Variants in CDH12 observed in about 807,000 individuals in gnomAD.
CDH12 encodes the protein cadherin-12.
CDH12 carries 41 observed loss-of-function variants against 74.1 expected under a neutral mutation model. That is an observed-to-expected ratio of 0.55 (90% CI 0.43 to 0.72). The LOEUF (loss-of-function observed/expected upper bound fraction) is 0.72, where lower values mean the gene tolerates loss of function less well. Ranked by LOEUF, CDH12 falls within the 30% of genes least tolerant of loss-of-function variation. The probability of loss-of-function intolerance (pLI) is 0.00; values close to 1 mark genes in which losing one functional copy is unlikely to be tolerated. For missense variants in CDH12, 945 were observed against 977.2 expected, an observed-to-expected ratio of 0.97 and a Z score of 0.44; for synonymous variants, 399 against 355.0, an observed-to-expected ratio of 1.12 and a Z score of -1.39.
chr5:22,460,484 C>A (rs1745453765), intron 2 of CDH12, among the ~76,000 whole-genome samples: 1 of 151,998 alleles, frequency 6.6e-6, no homozygotes, highest in Admixed American at 6.6e-5. Flanking sequence ...TATTTTCAGT[C>A]TTGTTAATCC....
At chr5:22,299,534 A>T (rs940933590) in intron 3 of CDH12, among the ~76,000 whole-genome samples, 1 of 152,220 alleles carries the variant, frequency 6.6e-6, no homozygotes, top group African/African-American at 2.4e-5. Flanking sequence ...TTTCTTTGAA[A>T]GAGCTTGAAA....
At position 21,978,902 on chromosome 5, in the gene CDH12, G is replaced by GA. The variant is rs559822772; in HGVS notation, c.232-3518dup. Among the ~76,000 whole-genome samples, 182 of 152,262 alleles carry GA rather than the reference G, an allele frequency of 1.2e-3. 1 individual carries two copies. The highest frequency in any genetic ancestry group is 4.1e-3 in the African/African-American group (170 of 41,574). ...ATTCCGGAAATTGATCTCTATCGAT[G>GA]AAACTGCTTTCTCAAATATGTCAGC... On this transcript the variant is annotated intron_variant, in intron 5 of 14. Coordinates refer to ENST00000382254, the MANE Select transcript of CDH12 (RefSeq NM_004061.5).
At chr5:22,801,847 G>T (rs940265779) in intron 1 of CDH12, among the ~76,000 whole-genome samples, 1 of 151,016 alleles carries the variant, frequency 6.6e-6, no homozygotes, top group Non-Finnish European at 1.5e-5. Context: ...AATTCAGTTT[G>T]CTTGGGCCAT....
At chr5:22,763,388 T>C (rs1035830667) in intron 1 of CDH12, among the ~76,000 whole-genome samples, 7 of 151,912 alleles carry the variant, frequency 4.6e-5, no homozygotes, top group African/African-American at 1.7e-4. Flanking sequence ...ATGTGTGAAG[T>C]AATGTGAAAG....
At chr5:22,797,670 C>T (rs1272360781) in intron 1 of CDH12, among the ~76,000 whole-genome samples, 2 of 152,098 alleles carry the variant, frequency 1.3e-5, no homozygotes, top group Non-Finnish European at 1.5e-5. Context: ...CTCAGCAATA[C>T]GTATAATCAG....
At chr5:21,786,401 C>G (rs111652731) in intron 10 of CDH12, among the ~76,000 whole-genome samples, 7,868 of 152,172 alleles carry the variant, frequency 0.052, 294 homozygotes, top group East Asian at 0.15. Context: ...AGTAGCCCAC[C>G]TGTACCTCCC....
chr5:22,753,300 G>C (rs1371786005), intron 1 of CDH12, among the ~76,000 whole-genome samples: 1 of 151,656 alleles, frequency 6.6e-6, no homozygotes, highest in African/African-American at 2.4e-5. Flanking sequence ...AGCCGGGCAC[G>C]GTGGCGGGCG....
chr5:21,986,661 TGA>T, intron 5 of CDH12, among the ~76,000 whole-genome samples: 1 of 152,174 alleles, frequency 6.6e-6, no homozygotes, highest in South Asian at 2.1e-4. Flanking sequence ...ACAGTAAATT[TGA>T]TGTATCATTT....
intron 1 of CDH12, among the ~76,000 whole-genome samples, chr5:22,781,572 T>C (rs1747385871): frequency 1.3e-5 from 2 of 152,198 alleles, no homozygotes; most frequent in Admixed American, 1.3e-4. Flanking sequence ...AACCTAGAAC[T>C]GAAAAGCTTT....
chr5:22,403,888 C>T (rs1043700893), intron 3 of CDH12, among the ~76,000 whole-genome samples: 1 of 151,952 alleles, frequency 6.6e-6, no homozygotes, highest in Non-Finnish European at 1.5e-5. Flanking sequence ...TTTAAAATGA[C>T]CATCATTACA....
intron 3 of CDH12, among the ~76,000 whole-genome samples, chr5:22,257,460 G>T (rs775339495): frequency 3.2e-4 from 48 of 150,050 alleles, no homozygotes; most frequent in Non-Finnish European, 6.5e-4. Context: ...TATGCCTGAG[G>T]TTGCAATTTT....
chr5:22,353,292 T>C (rs144555044), intron 3 of CDH12, among the ~76,000 whole-genome samples: 27 of 152,296 alleles, frequency 1.8e-4, no homozygotes, highest in African/African-American at 6.5e-4. Context: ...AAATATTTTC[T>C]ACATAATTAC....
intron 10 of CDH12, among the ~76,000 whole-genome samples, chr5:21,799,185 A>G (rs1746972797): frequency 6.6e-6 from 1 of 152,214 alleles, no homozygotes; most frequent in South Asian, 2.1e-4. Context: ...TAAGTGGCAA[A>G]GAAGTTAGGT....
intron 1 of CDH12, among the ~76,000 whole-genome samples, chr5:22,624,392 T>C (rs1198110334): frequency 6.6e-6 from 1 of 151,738 alleles, no homozygotes; most frequent in Admixed American, 6.6e-5. Context: ...TGGGAGAAAA[T>C]TTTTGCAATC....
chr5:22,651,588 C>T (rs1459442389), intron 1 of CDH12, among the ~76,000 whole-genome samples: 5 of 152,112 alleles, frequency 3.3e-5, no homozygotes, highest in African/African-American at 4.8e-5. Context: ...TTACCACCAC[C>T]TGGTCTCTCT....
chr5:22,763,431 A>G (rs1746326584), intron 1 of CDH12, among the ~76,000 whole-genome samples: 1 of 151,970 alleles, frequency 6.6e-6, no homozygotes. Flanking sequence ...TTTAATTAAC[A>G]TAACTGAGTA....
chr5:22,571,349 G>T (rs558542228), intron 1 of CDH12, among the ~76,000 whole-genome samples: 1 of 150,776 alleles, frequency 6.6e-6, no homozygotes, highest in Non-Finnish European at 1.5e-5. Context: ...TTTTGGAAAC[G>T]GAATTTCACT....
chr5:21,894,236 A>G (rs1403878097), intron 6 of CDH12, among the ~76,000 whole-genome samples: 1 of 151,916 alleles, frequency 6.6e-6, no homozygotes, highest in Non-Finnish European at 1.5e-5. Context: ...AAAATTAGCC[A>G]GGCATGGTGG....
At chr5:22,176,489 A>G (rs1198693164) in intron 4 of CDH12, among the ~76,000 whole-genome samples, 1 of 151,988 alleles carries the variant, frequency 6.6e-6, no homozygotes, top group African/African-American at 2.4e-5. Context: ...CCTCACCTAA[A>G]TAAGCCAGCA....
Sources: allele counts gnomAD v4.1 joint callset (sites outside exome capture counted in the v4.1 genomes callset), GRCh38; gene constraint gnomAD v4.1.1; transcripts MANE v1.5; gene names NCBI Gene and HGNC (gene_info 2026-07-23, HGNC 2026-07-21).